TENM3: variants seen among roughly 807,000 people sequenced by gnomAD.
TENM3 encodes teneurin transmembrane protein 3, also known as teneurin-3.
Under a neutral mutation model 255.1 loss-of-function variants are expected in TENM3, and 63 were observed. The ratio of observed to expected loss-of-function variants is 0.25; its 90% CI spans 0.20 to 0.30. TENM3 has a LOEUF of 0.30. TENM3 is among the 10% of genes least tolerant of loss of function. The probability of loss-of-function intolerance (pLI) is 1.00; values close to 1 mark genes in which losing one functional copy is unlikely to be tolerated. For missense variants in TENM3, 2,929 were observed against 3,461.1 expected (o/e 0.85, Z 3.86); for synonymous variants, 1,306 against 1,322.3 (o/e 0.99, Z 0.27).
At chr4:182,767,756 A>G (rs1291658803) in intron 22 of TENM3, among the ~76,000 whole-genome samples, 1 of 152,230 alleles carries the variant, frequency 6.6e-6, no homozygotes, top group African/African-American at 2.4e-5. Flanking sequence ...CGTGTAACCC[A>G]CGAAGCAGCT....
chr4:182,442,867 CACACACACACACAT>C (rs1206338479), intron 3 of TENM3, among the ~76,000 whole-genome samples: 1 of 150,730 alleles, frequency 6.6e-6, no homozygotes, highest in Non-Finnish European at 1.5e-5. Context: ...CACACACACA[CACACACACACACAT>C]ATATATATAT....
the TENM3 span, among the ~76,000 whole-genome samples, chr4:181,900,371 A>G: frequency 6.6e-6 from 1 of 152,218 alleles, no homozygotes; most frequent in Admixed American, 6.5e-5. Flanking sequence ...GAAAGTAAAT[A>G]AATTTTGGCT....
chr4:182,557,353 C>T (rs1198917844), intron 3 of TENM3, among the ~76,000 whole-genome samples: 3 of 152,150 alleles, frequency 2.0e-5, no homozygotes, highest in South Asian at 2.1e-4. Context: ...TCATTAGAAT[C>T]GTAATTGTCT....
chr4:181,868,882 C>T, the TENM3 span, among the ~76,000 whole-genome samples: 13 of 152,170 alleles, frequency 8.5e-5, no homozygotes, highest in East Asian at 5.8e-4. Flanking sequence ...CCAGAGAAGG[C>T]CTTTCCAACA....
the TENM3 span, among the ~76,000 whole-genome samples, chr4:181,948,930 A>G: frequency 6.6e-6 from 1 of 152,104 alleles, no homozygotes; most frequent in Non-Finnish European, 1.5e-5. Context: ...GTGCTAGTGC[A>G]GGAGGGGAGG....
the TENM3 span, among the ~76,000 whole-genome samples, chr4:181,493,935 C>A: frequency 6.6e-6 from 1 of 152,056 alleles, no homozygotes; most frequent in East Asian, 1.9e-4. Flanking sequence ...ATAATAATAT[C>A]AAATACTTAT....
chr4:181,685,705 C>A, the TENM3 span, among the ~76,000 whole-genome samples: 32 of 152,278 alleles, frequency 2.1e-4, no homozygotes, highest in Admixed American at 3.3e-4. Context: ...CACCCTGCCC[C>A]CACCCACCCC....
At chr4:182,653,370 C>T (rs1469041996) in intron 5 of TENM3, among the ~76,000 whole-genome samples, 1 of 152,184 alleles carries the variant, frequency 6.6e-6, no homozygotes, top group Non-Finnish European at 1.5e-5. Flanking sequence ...TCTTAAGAAT[C>T]TACAGGTGTT....
intron 4 of TENM3, among the ~76,000 whole-genome samples, chr4:182,611,646 A>T (rs1749016680): frequency 6.6e-6 from 1 of 152,164 alleles, no homozygotes. Context: ...ATTGCTATAG[A>T]TGACATACAT....
At chr4:181,764,487 G>A in the TENM3 span, among the ~76,000 whole-genome samples, 3 of 152,146 alleles carry the variant, frequency 2.0e-5, no homozygotes, top group African/African-American at 7.2e-5. Context: ...TCTAAGCTTT[G>A]AGTAATTATT....
At chr4:181,884,677 C>CTT in the TENM3 span, among the ~76,000 whole-genome samples, 1 of 152,078 alleles carries the variant, frequency 6.6e-6, no homozygotes, top group South Asian at 2.1e-4. Context: ...TTATCCCTTT[C>CTT]TTTTAAAAAA....
chr4:181,473,085 A>G, the TENM3 span, among the ~76,000 whole-genome samples: 4 of 152,082 alleles, frequency 2.6e-5, no homozygotes, highest in African/African-American at 7.3e-5. Flanking sequence ...ATTTTAATTA[A>G]ACAATATTTC....
At chr4:182,199,705 T>C (rs1754058378) in intron 1 of TENM3, among the ~76,000 whole-genome samples, 2 of 151,104 alleles carry the variant, frequency 1.3e-5, no homozygotes, top group Admixed American at 1.3e-4. Context: ...TAGATGGCTT[T>C]GTGGAACATC....
At chr4:181,590,134 T>C in the TENM3 span, among the ~76,000 whole-genome samples, 4 of 152,188 alleles carry the variant, frequency 2.6e-5, no homozygotes, top group Non-Finnish European at 5.9e-5. Flanking sequence ...CAAGTCCTTT[T>C]ATTCAACCCT....
Position 182,473,686 on chromosome 4 carries a change from T to A in TENM3, c.511+126757T>A, listed in dbSNP as rs1352353339. On this transcript the variant is annotated intron_variant, in intron 3 of 27. Transcript: ENST00000511685. ...AGACTTCATCTAAAAAAAAATAAAATAAAATAAAAAATTTGTGGCCAGGCA... is the reference window on the plus strand; with the variant it reads ...AGACTTCATCTAAAAAAAAATAAAAAAAAATAAAAAATTTGTGGCCAGGCA... Among the ~76,000 whole-genome samples, 5 of 150,128 alleles carry A rather than the reference T, an allele frequency of 3.3e-5. No homozygotes were observed. In the East Asian group the frequency reaches 5.9e-4, roughly 18 times the overall value.
chr4:181,498,711 C>A, the TENM3 span, among the ~76,000 whole-genome samples: 2 of 152,054 alleles, frequency 1.3e-5, no homozygotes, highest in African/African-American at 4.8e-5. Context: ...ATCATTAGGG[C>A]TGGAAATAGA....
At chr4:182,626,545 C>T (rs1370264134) in intron 4 of TENM3, among the ~76,000 whole-genome samples, 2 of 151,990 alleles carry the variant, frequency 1.3e-5, no homozygotes, top group African/African-American at 4.8e-5. Context: ...ATGATAAAAC[C>T]AAGACACAAA....
chr4:181,469,623 C>T, the TENM3 span, among the ~76,000 whole-genome samples: 1 of 152,138 alleles, frequency 6.6e-6, no homozygotes, highest in Non-Finnish European at 1.5e-5. Context: ...AGCTGTAAGA[C>T]ATTTTGAAAT....
At chr4:182,531,999 T>C (rs1338941988) in intron 3 of TENM3, among the ~76,000 whole-genome samples, 3 of 152,210 alleles carry the variant, frequency 2.0e-5, no homozygotes, top group Non-Finnish European at 4.4e-5. Context: ...GACTGCTATG[T>C]GAACTCTGTT....
Sources: allele counts gnomAD v4.1 joint callset (sites outside exome capture counted in the v4.1 genomes callset), GRCh38; gene constraint gnomAD v4.1.1; transcripts MANE v1.5; gene names NCBI Gene and HGNC (gene_info 2026-07-23, HGNC 2026-07-21).